The following PPM1L variants were observed in gnomAD, a reference collection of about 807,000 sequenced individuals.
PPM1L encodes the protein protein phosphatase, Mg2+/Mn2+ dependent 1L.
A neutral mutation model predicts 31.4 loss-of-function variants in PPM1L; 13 were observed. The ratio of observed to expected loss-of-function variants is 0.41; its 90% CI spans 0.27 to 0.66. The LOEUF (loss-of-function observed/expected upper bound fraction) is 0.66, where lower values mean the gene tolerates loss of function less well. Ranked by LOEUF, PPM1L falls within the 30% of genes least tolerant of loss-of-function variation. PPM1L has a pLI of 0.29. For synonymous variants in PPM1L, 184 were observed against 175.4 expected, an observed-to-expected ratio of 1.05 and a Z score of -0.39; for missense variants, 326 against 453.7, an observed-to-expected ratio of 0.72 and a Z score of 2.56.
At chr3:160,841,670 CCTA>C (rs1341401200) in intron 1 of PPM1L, among the ~76,000 whole-genome samples, 1 of 152,132 alleles carries the variant, frequency 6.6e-6, no homozygotes, top group Non-Finnish European at 1.5e-5. Flanking sequence ...AGCAGAGAAA[CCTA>C]CTTGCCGCTA....
rs971854155 is a variant in PPM1L at position 160,812,014 on chromosome 3, G to A, written c.399+55307G>A. ...TTCAATCCCAAAGCAGGTTCCTCTG[G>A]ACTATGGCATTGCTATTCTCTAGAG... On this transcript the variant is annotated intron_variant, in intron 1 of 3. Transcript: ENST00000498165. Among the ~76,000 whole-genome samples the A allele has an allele frequency of 2.0e-5, 3 of 152,130 alleles. No homozygotes were observed. The East Asian group carries it at 5.8e-4, about 29-fold the overall frequency.
chr3:160,904,770 TAG>T (rs374280264), intron 1 of PPM1L, among the ~76,000 whole-genome samples: 12 of 148,080 alleles, frequency 8.1e-5, no homozygotes, highest in South Asian at 4.3e-4. Context: ...GAAGGAGAGA[TAG>T]AGAGAGAGAG....
At chr3:160,902,785 T>C (rs1713590139) in intron 1 of PPM1L, among the ~76,000 whole-genome samples, 1 of 152,190 alleles carries the variant, frequency 6.6e-6, no homozygotes, top group Non-Finnish European at 1.5e-5. Flanking sequence ...TTTCTTTTTA[T>C]ATCTGCTTTG....
chr3:160,869,424 C>T (rs1467986675), intron 1 of PPM1L, among the ~76,000 whole-genome samples: 2 of 152,112 alleles, frequency 1.3e-5, no homozygotes, highest in African/African-American at 4.8e-5. Context: ...TTTGTAAAAG[C>T]TCCTGGTTAT....
rs60605185 is a variant in PPM1L, at chr3:161,060,721, C to CTT, written c.575-4668_575-4667dup. On this transcript the variant is annotated intron_variant, in intron 2 of 3. Transcript: ENST00000498165. The stretch of plus-strand genomic sequence containing the variant: ...TTGAAGTCTGGTCCATGTGAATTCG[C>CTT]TTTTTTTTTTTTTTTAAGCTTTTTG... Among the ~76,000 whole-genome samples, 588 of 130,688 alleles carry CTT rather than the reference C, an allele frequency of 4.5e-3. 4 individuals are homozygous for CTT. Among genetic ancestry groups the CTT allele is most frequent in the African/African-American group, 0.014 (499 of 36,818 alleles). The allele number at this position is 130,688 out of a possible 152,430, so 85.7% of individuals were successfully genotyped here.
At chr3:160,890,075 A>G (rs1020605564) in intron 1 of PPM1L, among the ~76,000 whole-genome samples, 3 of 152,226 alleles carry the variant, frequency 2.0e-5, no homozygotes, top group African/African-American at 7.2e-5. Context: ...ATTTCCTTTG[A>G]AAACTGGTAC....
chr3:161,016,967 A>G (rs1280047838), intron 2 of PPM1L, among the ~76,000 whole-genome samples: 2 of 152,198 alleles, frequency 1.3e-5, no homozygotes, highest in African/African-American at 4.8e-5. Context: ...ACAAAACATA[A>G]TGCACTTCTT....
At chr3:160,764,402 A>G (rs911744158) in intron 1 of PPM1L, among the ~76,000 whole-genome samples, 31 of 152,178 alleles carry the variant, frequency 2.0e-4, no homozygotes, top group Admixed American at 3.9e-4. Flanking sequence ...TTCTATAAAC[A>G]TACTGTCATT....
At chr3:160,771,174 G>C (rs946185224) in intron 1 of PPM1L, among the ~76,000 whole-genome samples, 3 of 152,030 alleles carry the variant, frequency 2.0e-5, no homozygotes, top group Non-Finnish European at 4.4e-5. Context: ...TTTGTAAATG[G>C]TACCATTTCA....
intron 2 of PPM1L, among the ~76,000 whole-genome samples, chr3:160,965,820 G>A (rs1232706645): frequency 2.0e-5 from 3 of 151,954 alleles, no homozygotes; most frequent in Non-Finnish European, 4.4e-5. Context: ...CTCTAGAGAG[G>A]TTAATTTGTC....
intron 1 of PPM1L, among the ~76,000 whole-genome samples, chr3:160,902,206 A>G (rs993390113): frequency 3.9e-5 from 6 of 152,102 alleles, no homozygotes; most frequent in Non-Finnish European, 7.4e-5. Flanking sequence ...TACAATGCCC[A>G]CTTCTACATA....
chr3:161,061,292 A>G (rs1216124264), intron 2 of PPM1L, among the ~76,000 whole-genome samples: 1 of 152,244 alleles, frequency 6.6e-6, no homozygotes, highest in East Asian at 1.9e-4. Flanking sequence ...TCAGTAATTC[A>G]GAATACCACC....
At chr3:161,022,509 G>A (rs1190311481) in intron 2 of PPM1L, 1 of 193,074 alleles carries the variant, frequency 5.2e-6, no homozygotes, top group East Asian at 1.1e-4. Context: ...GGTTACATTT[G>A]TTTATATATT....
At chr3:160,779,352 A>G (rs1298016561) in intron 1 of PPM1L, among the ~76,000 whole-genome samples, 4 of 152,150 alleles carry the variant, frequency 2.6e-5, no homozygotes, top group Non-Finnish European at 5.9e-5. Context: ...AGGCCCATCC[A>G]TTACTAGCTG....
chr3:160,984,312 C>T (rs1260232890), intron 2 of PPM1L, among the ~76,000 whole-genome samples: 6 of 152,124 alleles, frequency 3.9e-5, no homozygotes, highest in African/African-American at 1.2e-4. Context: ...CTTCTCTTAC[C>T]CATTTTTGGT....
intron 1 of PPM1L, among the ~76,000 whole-genome samples, chr3:160,781,588 T>A (rs755384100): frequency 1.3e-5 from 2 of 152,162 alleles, no homozygotes; most frequent in Non-Finnish European, 2.9e-5. Context: ...AATCCTGTGG[T>A]GGAGGAAGGC....
At chr3:160,912,006 T>A (rs1172498545) in intron 1 of PPM1L, among the ~76,000 whole-genome samples, 1 of 152,246 alleles carries the variant, frequency 6.6e-6, no homozygotes, top group Non-Finnish European at 1.5e-5. Flanking sequence ...GTGAGATTAA[T>A]CTGTGTTACA....
chr3:160,812,794 G>A (rs548958885), intron 1 of PPM1L, among the ~76,000 whole-genome samples: 65 of 152,304 alleles, frequency 4.3e-4, no homozygotes, highest in Non-Finnish European at 8.4e-4. Flanking sequence ...TTCTAACACC[G>A]TGATTACAGG....
intron 1 of PPM1L, among the ~76,000 whole-genome samples, chr3:160,814,550 CACACACACATAT>C (rs1712913995): frequency 1.2e-5 from 1 of 81,618 alleles, no homozygotes; most frequent in Admixed American, 1.3e-4. Flanking sequence ...TGTATATATA[CACACACACATAT>C]GTATGTATGT....
Sources: gnomAD v4.1 joint callset for allele counts (sites outside exome capture counted in the v4.1 genomes callset) on GRCh38, gnomAD v4.1.1 for gene constraint, MANE v1.5 for transcripts, NCBI Gene and HGNC (gene_info 2026-07-23, HGNC 2026-07-21) for gene names.